KCNN2: variants seen among roughly 807,000 people sequenced by gnomAD.
KCNN2 encodes the protein potassium calcium-activated channel subfamily N member 2, also known as small conductance calcium-activated potassium channel protein 2.
KCNN2 carries 24 observed loss-of-function variants against 55.5 expected under a neutral mutation model. The ratio of observed to expected loss-of-function variants is 0.43; its 90% confidence interval spans 0.31 to 0.61. The LOEUF is 0.61. Ranked by LOEUF, KCNN2 falls within the 20% of genes least tolerant of loss-of-function variation. The probability of loss-of-function intolerance (pLI) is 0.08; values close to 1 mark genes in which losing one functional copy is unlikely to be tolerated. For missense variants in KCNN2, 754 were observed against 853.6 expected, an observed-to-expected ratio of 0.88 and a Z score of 1.45; for synonymous variants, 431 against 336.1, an observed-to-expected ratio of 1.28 and a Z score of -3.09.
At chr5:114,311,384 T>C (rs923249783) in intron 2 of KCNN2, among the ~76,000 whole-genome samples, 3 of 152,170 alleles carry the variant, frequency 2.0e-5, no homozygotes, top group African/African-American at 7.2e-5. Context: ...AGAAGCTCAA[T>C]AGTTTAGTAG....
intron 1 of KCNN2, among the ~76,000 whole-genome samples, chr5:114,090,080 C>T (rs1751104173): frequency 6.6e-6 from 1 of 152,120 alleles, no homozygotes; most frequent in African/African-American, 2.4e-5. Flanking sequence ...ATATGAATTT[C>T]AGTGTGTGAA....
rs1554080364 is a variant in KCNN2 at position 114,301,062 on chromosome 5, T to TA, written c.-184-59881dup. ...TTTCCTTTATTAAATATTTTTTTTT[T>TA]AATTTTACTTTGTTTTCTAACTGGG... On this transcript the variant is annotated intron_variant, in intron 2 of 10. Coordinates refer to the KCNN2 transcript ENST00000512097. Among the ~76,000 whole-genome samples the TA allele has an allele frequency of 6.4e-3, 972 of 151,116 alleles. 9 individuals carry two copies. The highest frequency in any genetic ancestry group is 0.022 in the African/African-American group (925 of 41,298).
chr5:114,247,342 G>T (rs1171820951), intron 2 of KCNN2, among the ~76,000 whole-genome samples: 1 of 151,584 alleles, frequency 6.6e-6, no homozygotes, highest in Non-Finnish European at 1.5e-5. Context: ...GATGATTCTT[G>T]GTCACTGTCT....
intron 2 of KCNN2, among the ~76,000 whole-genome samples, chr5:114,307,939 A>C (rs1756317167): frequency 6.6e-6 from 1 of 151,952 alleles, no homozygotes; most frequent in Non-Finnish European, 1.5e-5. Context: ...CCCATACCCC[A>C]ATCAAAAATC....
intron 1 of KCNN2, among the ~76,000 whole-genome samples, chr5:114,069,004 G>A (rs1394976013): frequency 6.6e-6 from 1 of 152,008 alleles, no homozygotes; most frequent in African/African-American, 2.4e-5. Flanking sequence ...TAGTAGAGAC[G>A]GGGTTTCACT....
At chr5:114,400,169 T>G (rs1271086868) in intron 2 of KCNN2, among the ~76,000 whole-genome samples, 2 of 152,166 alleles carry the variant, frequency 1.3e-5, no homozygotes, top group African/African-American at 4.8e-5. Context: ...TTGGGTTGGT[T>G]TGCTCTTGTT....
intron 2 of KCNN2, among the ~76,000 whole-genome samples, chr5:114,261,023 G>C (rs988674457): frequency 6.6e-6 from 1 of 152,064 alleles, no homozygotes; most frequent in Non-Finnish European, 1.5e-5. Context: ...TTCTGGTGTG[G>C]TTATATTATT....
At chr5:114,308,423 C>A (rs1423492706) in intron 2 of KCNN2, among the ~76,000 whole-genome samples, 1 of 152,288 alleles carries the variant, frequency 6.6e-6, no homozygotes, top group Non-Finnish European at 1.5e-5. Flanking sequence ...AGAGACTATA[C>A]AATATTGCAT....
intron 1 of KCNN2, among the ~76,000 whole-genome samples, chr5:114,163,228 G>A (rs10075909): frequency 4.6e-5 from 7 of 152,072 alleles, no homozygotes; most frequent in African/African-American, 1.4e-4. Context: ...GGATCATGTC[G>A]TCTGCAAACA....
chr5:114,347,414 T>C (rs1757126928), intron 2 of KCNN2, among the ~76,000 whole-genome samples: 2 of 152,210 alleles, frequency 1.3e-5, no homozygotes, highest in South Asian at 4.1e-4. Flanking sequence ...ATTCCACCAC[T>C]TATGGGTAAA....
At chr5:114,101,494 T>G (rs1751372463) in intron 1 of KCNN2, among the ~76,000 whole-genome samples, 1 of 151,838 alleles carries the variant, frequency 6.6e-6, no homozygotes, top group African/African-American at 2.4e-5. Context: ...TGCAGGTTTG[T>G]TACATAGGTA....
intron 1 of KCNN2, among the ~76,000 whole-genome samples, chr5:114,116,804 A>T (rs1409519383): frequency 1.3e-5 from 2 of 152,152 alleles, no homozygotes; most frequent in Non-Finnish European, 2.9e-5. Context: ...AACAACTGTC[A>T]AATAATTTAT....
chr5:114,376,049 CA>C (rs1219544461), intron 2 of KCNN2, among the ~76,000 whole-genome samples: 2 of 146,014 alleles, frequency 1.4e-5, no homozygotes, highest in African/African-American at 5.1e-5. Context: ...ACCTATTTTT[CA>C]GTTGTTAAGT....
intron 1 of KCNN2, among the ~76,000 whole-genome samples, chr5:114,094,991 A>C (rs1685225468): frequency 6.6e-6 from 1 of 152,026 alleles, no homozygotes; most frequent in Admixed American, 6.6e-5. Context: ...GTTCTTTACT[A>C]CTGCTTTAAA....
At chr5:114,486,088 C>G (rs931312838) in intron 5 of KCNN2, among the ~76,000 whole-genome samples, 2 of 152,168 alleles carry the variant, frequency 1.3e-5, no homozygotes, top group Admixed American at 6.6e-5. Context: ...TCAATCTCAG[C>G]TCATTGTTTT....
upstream of KCNN2, among the ~76,000 whole-genome samples, chr5:114,357,768 A>G (rs554323081): frequency 0.04 from 5,914 of 147,956 alleles, 417 homozygotes; most frequent in African/African-American, 0.14. Context: ...ATACGTGTGC[A>G]TGTGTCTTTA....
At chr5:114,217,305 A>T (rs1289617799) in intron 1 of KCNN2, among the ~76,000 whole-genome samples, 1 of 152,128 alleles carries the variant, frequency 6.6e-6, no homozygotes, top group Non-Finnish European at 1.5e-5. Flanking sequence ...CACAATACCG[A>T]AGAAAAACAA....
chr5:114,374,998 A>C (rs1436619905), intron 2 of KCNN2, among the ~76,000 whole-genome samples: 1 of 152,178 alleles, frequency 6.6e-6, no homozygotes, highest in Non-Finnish European at 1.5e-5. Flanking sequence ...AATTCTGTGC[A>C]ATATTTGCAT....
At chr5:114,478,437 A>G (rs1360277552) in intron 5 of KCNN2, among the ~76,000 whole-genome samples, 4 of 152,078 alleles carry the variant, frequency 2.6e-5, no homozygotes, top group Non-Finnish European at 5.9e-5. Context: ...GGTACCTGAA[A>G]GAGATGGGGA....
Sources: gnomAD v4.1 joint callset for allele counts (sites outside exome capture counted in the v4.1 genomes callset) on GRCh38, gnomAD v4.1.1 for gene constraint, MANE v1.5 for transcripts, NCBI Gene and HGNC (gene_info 2026-07-23, HGNC 2026-07-21) for gene names.